Variants in RPS6KA2 observed in about 807,000 individuals in gnomAD.
The protein encoded by RPS6KA2 is ribosomal protein S6 kinase A2.
In RPS6KA2, 42 loss-of-function variants were observed where a neutral mutation model predicts 91.8. That is an observed-to-expected ratio of 0.46 (90% CI 0.36 to 0.59). The LOEUF (loss-of-function observed/expected upper bound fraction) is 0.59. Among genes scored for constraint, RPS6KA2 ranks in the 20% least tolerant of loss-of-function variants. The probability of loss-of-function intolerance (pLI) is 0.00; values close to 1 mark genes in which losing one functional copy is unlikely to be tolerated. For missense variants in RPS6KA2, 798 were observed against 978.5 expected, an observed-to-expected ratio of 0.82 and a Z score of 2.46; for synonymous variants, 414 against 393.6, an observed-to-expected ratio of 1.05 and a Z score of -0.61.
chr6:166,683,219 G>A (rs1176254817), intron 2 of RPS6KA2, among the ~76,000 whole-genome samples: 1 of 152,240 alleles, frequency 6.6e-6, no homozygotes, highest in African/African-American at 2.4e-5. Flanking sequence ...ATACCTACGT[G>A]TGCCTCTGTG....
intron 2 of RPS6KA2, among the ~76,000 whole-genome samples, chr6:166,689,828 G>C (rs1380274193): frequency 2.0e-5 from 3 of 152,186 alleles, no homozygotes; most frequent in African/African-American, 4.8e-5. Flanking sequence ...GCTCTGCAAG[G>C]CTCTGTGCAC....
intron 2 of RPS6KA2, among the ~76,000 whole-genome samples, chr6:166,813,443 G>A (rs930423029): frequency 6.6e-6 from 1 of 152,194 alleles, no homozygotes; most frequent in Admixed American, 6.5e-5. Context: ...TGTTTTCCGA[G>A]TTCATTGGTA....
chr6:166,685,170 TGC>T (rs1788968248), intron 2 of RPS6KA2, among the ~76,000 whole-genome samples: 2 of 151,906 alleles, frequency 1.3e-5, no homozygotes, highest in African/African-American at 4.8e-5. Context: ...GTGTGCAGGC[TGC>T]GGGGACAGAG....
chr6:166,473,530 A>G (rs2128466482), intron 10 of RPS6KA2, among the ~76,000 whole-genome samples: 1 of 152,034 alleles, frequency 6.6e-6, no homozygotes, highest in South Asian at 2.1e-4. Flanking sequence ...CAGCTCTTCT[A>G]CTCCATATTT....
intron 2 of RPS6KA2, among the ~76,000 whole-genome samples, chr6:166,538,288 C>T (rs1445010580): frequency 1.3e-5 from 2 of 152,140 alleles, no homozygotes; most frequent in African/African-American, 4.8e-5. Flanking sequence ...TTTCTTTATT[C>T]TTTTTTTCCT....
At chr6:166,824,340 C>T (rs1435244126) in intron 2 of RPS6KA2, among the ~76,000 whole-genome samples, 2 of 152,206 alleles carry the variant, frequency 1.3e-5, no homozygotes, top group African/African-American at 4.8e-5. Context: ...CCGTGTGGGG[C>T]GACTCTCCAG....
chr6:166,423,654 G>A lies in RPS6KA2; in HGVS notation c.1582-237C>T, dbSNP rs1179130342. Among the ~76,000 whole-genome samples, 4 of 152,242 alleles carry A rather than the reference G, an allele frequency of 2.6e-5. No individual in the cohort carries two copies. The highest frequency in any genetic ancestry group is 4.8e-5 in the African/African-American group (2 of 41,460). The stretch of plus-strand genomic sequence containing the variant: ...GCTCCTGGTGTCACCTGCTTTTACA[G>A]TGAATGAATATTTGAGTAAATAAGT... On this transcript the variant is annotated intron_variant, in intron 16 of 20. Transcript: ENST00000265678. The surrounding 1 kb of genome is among the most constrained non-coding windows in gnomAD (Gnocchi z 4.8).
At position 166,626,477 on chromosome 6, in the gene RPS6KA2, G is replaced by A. The variant is rs572700103; in HGVS notation, c.99+444C>T. ...CTACAAGATAAGGTGGAACCTGCCG[G>A]CCGGGCACGGCAGACAGCACCTGAT... On this transcript the variant is annotated intron_variant, in intron 1 of 20. Coordinates refer to ENST00000265678, the MANE Select transcript of RPS6KA2 (RefSeq NM_021135.6). The surrounding 1 kb of genome is among the most constrained non-coding windows in gnomAD (Gnocchi z 4.1). Among the ~76,000 whole-genome samples the A allele has an allele frequency of 8.5e-5, 13 of 152,366 alleles. No individual in the cohort carries two copies. The highest frequency in any genetic ancestry group is 1.9e-4 in the East Asian group (1 of 5,176).
chr6:166,846,412 A>G (rs1780606760), intron 2 of RPS6KA2, among the ~76,000 whole-genome samples: 1 of 152,040 alleles, frequency 6.6e-6, no homozygotes, highest in Non-Finnish European at 1.5e-5. Flanking sequence ...AAAAAAAAAG[A>G]AAACTATAGA....
intron 2 of RPS6KA2, among the ~76,000 whole-genome samples, chr6:166,651,626 T>C (rs2128554336): frequency 6.6e-6 from 1 of 152,364 alleles, no homozygotes. Flanking sequence ...AGTGACATCC[T>C]TTGGCAGTGA....
At chr6:166,729,417 G>A (rs551893390) in intron 2 of RPS6KA2, among the ~76,000 whole-genome samples, 5 of 152,264 alleles carry the variant, frequency 3.3e-5, no homozygotes, top group Admixed American at 6.5e-5. Context: ...GTGCAATCAC[G>A]GCTCACTGCA....
intron 1 of RPS6KA2, among the ~76,000 whole-genome samples, chr6:166,540,969 G>A (rs919960671): frequency 2.0e-4 from 30 of 152,196 alleles, no homozygotes; most frequent in Admixed American, 1.9e-3. Flanking sequence ...AATTGCAGAC[G>A]ATTTGTCATT....
intron 1 of RPS6KA2, among the ~76,000 whole-genome samples, chr6:166,549,890 G>A (rs1783943224): frequency 6.6e-6 from 1 of 152,226 alleles, no homozygotes; most frequent in Admixed American, 6.5e-5. Flanking sequence ...ACAAGGTGGA[G>A]CCCGGCTGAA....
intron 1 of RPS6KA2, among the ~76,000 whole-genome samples, chr6:166,608,731 A>C (rs1451264904): frequency 2.6e-5 from 4 of 152,166 alleles, no homozygotes; most frequent in Non-Finnish European, 5.9e-5. Flanking sequence ...GTTCTGCTTC[A>C]AAGAAAGACT....
At chr6:166,489,069 T>C in intron 9 of RPS6KA2, 148 bp from the exon 10 acceptor site, 3 of 594,910 alleles carry the variant, frequency 5.0e-6, no homozygotes, top group Non-Finnish European at 6.0e-6. Context: ...CCTTTTATGC[T>C]TTAAAAGTTA....
At chr6:166,689,677 C>G (rs1239875981) in intron 2 of RPS6KA2, among the ~76,000 whole-genome samples, 1 of 152,180 alleles carries the variant, frequency 6.6e-6, no homozygotes, top group Admixed American at 6.5e-5. Flanking sequence ...GCATCTCAGA[C>G]AGCTGTTTGA....
intron 1 of RPS6KA2, among the ~76,000 whole-genome samples, chr6:166,622,165 A>G (rs1370966672): frequency 6.6e-6 from 1 of 152,192 alleles, no homozygotes; most frequent in Non-Finnish European, 1.5e-5. Context: ...AGGACGGGCA[A>G]AGCAAAAGGG....
At chr6:166,704,863 C>T (rs1789631473) in intron 2 of RPS6KA2, among the ~76,000 whole-genome samples, 1 of 152,146 alleles carries the variant, frequency 6.6e-6, no homozygotes, top group South Asian at 2.1e-4. Flanking sequence ...CAGTAAAGTT[C>T]TGTATGTACT....
At chr6:166,651,817 A>G (rs1787862044) in intron 2 of RPS6KA2, among the ~76,000 whole-genome samples, 1 of 152,220 alleles carries the variant, frequency 6.6e-6, no homozygotes, top group African/African-American at 2.4e-5. Context: ...ATCTGATCCC[A>G]TTTGGAGAAG....
Sources: gnomAD v4.1 joint callset for allele counts (sites outside exome capture counted in the v4.1 genomes callset) on GRCh38, gnomAD v4.1.1 for gene constraint, Gnocchi (gnomAD v3.1) non-coding constraint, MANE v1.5 for transcripts, NCBI Gene and HGNC (gene_info 2026-07-23, HGNC 2026-07-21) for gene names.